The following ATRNL1 variants were observed in gnomAD, a reference collection of about 807,000 sequenced individuals.
The protein encoded by ATRNL1 is attractin-like protein 1.
In ATRNL1, 95 loss-of-function variants were observed where a neutral mutation model predicts 182.7. That is an observed-to-expected ratio of 0.52 (90% CI 0.44 to 0.62). The LOEUF (loss-of-function observed/expected upper bound fraction) is 0.62, where lower values mean the gene tolerates loss of function less well. ATRNL1 is among the 20% of genes least tolerant of loss of function. The pLI, the probability that ATRNL1 is intolerant of heterozygous loss-of-function variation, is 0.00. For synonymous variants in ATRNL1, 576 were observed against 568.3 expected, an observed-to-expected ratio of 1.01 and a Z score of -0.19; for missense variants, 1,471 against 1,679.5, an observed-to-expected ratio of 0.88 and a Z score of 2.17.
chr10:115,710,129 T>C (rs1459289853), intron 26 of ATRNL1, among the ~76,000 whole-genome samples: 1 of 121,798 alleles, frequency 8.2e-6, no homozygotes, highest in Non-Finnish European at 1.7e-5. Flanking sequence ...ATTTATCCTA[T>C]AGTAAAAAAA....
chr10:115,256,640 C>T (rs1554907031), intron 10 of ATRNL1, among the ~76,000 whole-genome samples: 1 of 152,142 alleles, frequency 6.6e-6, no homozygotes, highest in East Asian at 1.9e-4. Context: ...GTCTCTTTCA[C>T]TTCTGCTCTG....
chr10:115,788,141 A>G (rs1248495767), intron 27 of ATRNL1, among the ~76,000 whole-genome samples: 2 of 152,190 alleles, frequency 1.3e-5, no homozygotes, highest in East Asian at 1.9e-4. Flanking sequence ...GGATTTATAT[A>G]TAGTAGTTAT....
At chr10:115,612,541 C>A (rs1049343244) in intron 26 of ATRNL1, among the ~76,000 whole-genome samples, 2 of 152,142 alleles carry the variant, frequency 1.3e-5, no homozygotes, top group Non-Finnish European at 2.9e-5. Context: ...GAACGTAATT[C>A]GTTTTAAAAC....
intron 28 of ATRNL1, among the ~76,000 whole-genome samples, chr10:115,939,378 A>G (rs538177305): frequency 6.6e-6 from 1 of 152,318 alleles, no homozygotes; most frequent in South Asian, 2.1e-4. Context: ...AGAGGATGGT[A>G]TGTTCCTTCC....
rs547154085 is a variant in ATRNL1, at chr10:115,872,413, A to G, written c.4018+24422A>G. On this transcript the variant is annotated intron_variant, in intron 28 of 28. Coordinates refer to ENST00000355044, the MANE Select transcript of ATRNL1 (RefSeq NM_207303.4). ...GTGTTTAGACTAGCCTATTCAAAGG[A>G]AAATTTGACTCTAGGTCACAAAGGT... Among the ~76,000 whole-genome samples, 12 of 152,330 alleles carry G rather than the reference A, an allele frequency of 7.9e-5. No individual in the cohort carries two copies. The South Asian group carries it at 2.5e-3, about 32-fold the overall frequency.
At chr10:115,442,491 G>C (rs1196006392) in intron 21 of ATRNL1, among the ~76,000 whole-genome samples, 2 of 151,910 alleles carry the variant, frequency 1.3e-5, no homozygotes, top group African/African-American at 4.8e-5. Context: ...AGCTTTTGCT[G>C]TAAAGGGCCA....
At chr10:115,582,044 T>A (rs568428695) in intron 26 of ATRNL1, among the ~76,000 whole-genome samples, 68 of 151,924 alleles carry the variant, frequency 4.5e-4, no homozygotes, top group African/African-American at 1.6e-3. Context: ...GATTTCCAAT[T>A]TCATCCATAT....
chr10:115,476,925 C>G (rs1346387619), intron 24 of ATRNL1, among the ~76,000 whole-genome samples: 1 of 151,406 alleles, frequency 6.6e-6, no homozygotes, highest in African/African-American at 2.4e-5. Context: ...TATTAGCCCT[C>G]AAACTCCTTT....
intron 26 of ATRNL1, among the ~76,000 whole-genome samples, chr10:115,683,754 A>G (rs77584703): frequency 0.049 from 7,408 of 152,010 alleles, 598 homozygotes; most frequent in African/African-American, 0.17. Flanking sequence ...CGGAGAATTA[A>G]TAGAACAATG....
At chr10:115,668,378 T>A (rs557168197) in intron 26 of ATRNL1, among the ~76,000 whole-genome samples, 2 of 152,192 alleles carry the variant, frequency 1.3e-5, no homozygotes, top group African/African-American at 2.4e-5. Flanking sequence ...ACCTTATACC[T>A]GAAATTGTTC....
chr10:115,927,933 A>C (rs1953282751), intron 28 of ATRNL1, among the ~76,000 whole-genome samples: 1 of 152,122 alleles, frequency 6.6e-6, no homozygotes, highest in African/African-American at 2.4e-5. Flanking sequence ...CAAACTAGTC[A>C]GTACTTGAAA....
chr10:115,534,337 T>C (rs1851815137), intron 25 of ATRNL1, among the ~76,000 whole-genome samples: 1 of 152,162 alleles, frequency 6.6e-6, no homozygotes, highest in Admixed American at 6.5e-5. Context: ...CTTGTTGAAT[T>C]GATCCCTTTA....
chr10:115,121,269 T>C (rs1314071518), intron 2 of ATRNL1, among the ~76,000 whole-genome samples: 1 of 152,132 alleles, frequency 6.6e-6, no homozygotes, highest in Non-Finnish European at 1.5e-5. Flanking sequence ...CATGCCGCCA[T>C]GCGCAGCTAA....
At chr10:115,325,074 G>A (rs1854800661) in intron 18 of ATRNL1, among the ~76,000 whole-genome samples, 1 of 152,080 alleles carries the variant, frequency 6.6e-6, no homozygotes, top group South Asian at 2.1e-4. Context: ...CGCATCTGTT[G>A]CAGAGTAACT....
Position 115,266,976 on chromosome 10 carries a change from T to C in ATRNL1, c.1952T>C (p.Ile651Thr). The C allele has an allele frequency of 6.2e-7, 1 of 1,611,050 alleles. No homozygotes were observed. The highest frequency in any genetic ancestry group is 8.5e-7 in the Non-Finnish European group (1 of 1,178,238). The change falls in exon 12 of 29, where the codon ATT becomes ACT. Residue 651 changes from isoleucine (I) to threonine (T), a missense_variant. By Grantham distance (89) the Ile-to-Thr change is moderately conservative. Around this residue, in one of 3 missense-constraint regions of ATRNL1, gnomAD observed 1,031 missense variants for 1,156.0 expected, o/e 0.89. Transcript: ENST00000355044. Reference protein sequence around the residue: ...ESWESGNTNNILRAKCPPKTA... With the variant: ...ESWESGNTNNTLRAKCPPKTA... ...TGGGAATCTGGGAATACTAATAATA[T>C]TCTTAGAGCAAAGTGCCCTCCTAAA...
intron 24 of ATRNL1, among the ~76,000 whole-genome samples, chr10:115,482,711 A>G (rs940683035): frequency 7.9e-5 from 12 of 151,304 alleles, no homozygotes; most frequent in South Asian, 2.1e-4. Context: ...TTATTTAAGA[A>G]TCATTATTTG....
chr10:115,712,556 C>T lies in ATRNL1; in HGVS notation c.3796-14692C>T, dbSNP rs926875853. On this transcript the variant is annotated intron_variant, in intron 26 of 28. Transcript: ENST00000355044. ...ATACTTACCTCTTAGAGAAACATTG[C>T]TGCCTTCTTGCAAGATTTAGAAATT... Among the ~76,000 whole-genome samples the T allele has an allele frequency of 4.3e-4, 66 of 152,144 alleles. 1 individual carries two copies. Among genetic ancestry groups the T allele is most frequent in the Non-Finnish European group, 1.3e-4 (9 of 68,020 alleles).
At chr10:115,122,268 A>G (rs886672702) in intron 3 of ATRNL1, among the ~76,000 whole-genome samples, 9 of 151,810 alleles carry the variant, frequency 5.9e-5, no homozygotes, top group East Asian at 3.9e-4. Context: ...GTTTCTACCA[A>G]TTGTCAAAAT....
At chr10:115,883,546 C>T (rs985549142) in intron 28 of ATRNL1, among the ~76,000 whole-genome samples, 7 of 152,116 alleles carry the variant, frequency 4.6e-5, no homozygotes, top group East Asian at 1.9e-4. Flanking sequence ...TATGGTATAC[C>T]GTAATGGAAT....
Sources: allele counts gnomAD v4.1 joint callset (sites outside exome capture counted in the v4.1 genomes callset), GRCh38; gene constraint gnomAD v4.1.1; regional missense constraint gnomAD v4.1.1; transcripts MANE v1.5; gene names NCBI Gene and HGNC (gene_info 2026-07-23, HGNC 2026-07-21).